GDAP1: variants seen among roughly 807,000 people sequenced by gnomAD.
GDAP1 encodes ganglioside induced differentiation associated protein 1, also known as ganglioside-induced differentiation-associated protein 1.
A neutral mutation model predicts 40.1 loss-of-function variants in GDAP1; 34 were observed. That is an observed-to-expected ratio of 0.85 (90% CI 0.64 to 1.13). The LOEUF (loss-of-function observed/expected upper bound fraction) is 1.13, where lower values mean the gene tolerates loss of function less well. Ranked by LOEUF, GDAP1 falls within the 50% of genes most tolerant of loss-of-function variation. The pLI is 0.00. For missense variants in GDAP1, 374 were observed against 433.7 expected, an observed-to-expected ratio of 0.86 and a Z score of 1.22; for synonymous variants, 170 against 157.4, an observed-to-expected ratio of 1.08 and a Z score of -0.60.
intron 2 of GDAP1, among the ~76,000 whole-genome samples, chr8:74,397,974 C>G (rs1284033695): frequency 6.6e-6 from 1 of 151,810 alleles, no homozygotes; most frequent in Non-Finnish European, 1.5e-5. Context: ...GATATTGATT[C>G]TTCCTACCCA....
At chr8:74,390,425 A>G (rs1431990578) in intron 2 of GDAP1, among the ~76,000 whole-genome samples, 3 of 152,026 alleles carry the variant, frequency 2.0e-5, no homozygotes, top group Non-Finnish European at 4.4e-5. Flanking sequence ...TTTTCTTCTA[A>G]CAGTCAGGAC....
chr8:74,452,357 T>A lies in GDAP1; in HGVS notation c.166-36321T>A, dbSNP rs1252133064. ...TTGGCCATTATTTCCTCAAGTATTG[T>A]TTTTTTGGTCCATGTTTCTCTTTCT... On this transcript the variant is annotated intron_variant, in intron 2 of 2. Coordinates refer to the GDAP1 transcript ENST00000523640. 2.4e-5 allele frequency among the ~76,000 whole-genome samples: 2 copies of A among 83,710 alleles called. 1 individual carries two copies. The allele number at this position is 83,710 out of a possible 152,430, so 54.9% of individuals were successfully genotyped here.
chr8:74,443,668 T>C (rs950108220), intron 2 of GDAP1, among the ~76,000 whole-genome samples: 2 of 152,160 alleles, frequency 1.3e-5, no homozygotes, highest in Admixed American at 1.3e-4. Context: ...CTAAGATTGA[T>C]GGTCATGATC....
chr8:74,416,849 CA>C (rs1235915310), intron 2 of GDAP1, among the ~76,000 whole-genome samples: 1 of 148,746 alleles, frequency 6.7e-6, no homozygotes, highest in Non-Finnish European at 1.5e-5. Flanking sequence ...CCCTGTGGAA[CA>C]AAAGAATTCA....
intron 2 of GDAP1, among the ~76,000 whole-genome samples, chr8:74,399,225 G>T (rs955150750): frequency 6.3e-5 from 9 of 142,428 alleles, no homozygotes; most frequent in Non-Finnish European, 1.2e-4. Flanking sequence ...CACAATTTCA[G>T]ATCCTGTTAT....
rs574498830 is a variant in GDAP1, at chr8:74,478,578, C to T, written c.166-10100C>T. On this transcript the variant is annotated intron_variant, in intron 2 of 2. Coordinates refer to the GDAP1 transcript ENST00000523640. ...CTGAGGGGTGCTCAGGTCAGACTGG[C>T]CCCATCTTGCAGGTAGTACCATCCT... is the stretch of plus-strand genomic sequence containing the variant. 2.0e-5 allele frequency among the ~76,000 whole-genome samples: 3 copies of T among 152,230 alleles called. No individual in the cohort carries two copies. The South Asian group carries it at 6.2e-4, about 32-fold the overall frequency.
intron 2 of GDAP1, among the ~76,000 whole-genome samples, chr8:74,387,397 T>C (rs1474130989): frequency 6.6e-6 from 1 of 152,236 alleles, no homozygotes; most frequent in Non-Finnish European, 1.5e-5. Context: ...TGAAGCGGTG[T>C]TGAATTTTAT....
chr8:74,383,758 T>G (rs1397526689), intron 2 of GDAP1, among the ~76,000 whole-genome samples: 4 of 152,182 alleles, frequency 2.6e-5, no homozygotes, highest in African/African-American at 9.7e-5. Flanking sequence ...TTTGCCAGTT[T>G]ATCAGGTTTG....
intron 2 of GDAP1, among the ~76,000 whole-genome samples, chr8:74,439,907 G>A (rs1293888746): frequency 6.6e-6 from 1 of 151,608 alleles, no homozygotes; most frequent in African/African-American, 2.4e-5. Context: ...CAATTTTTTT[G>A]TAAGTGACAC....
chr8:74,451,987 T>C (rs1486245199), intron 2 of GDAP1, among the ~76,000 whole-genome samples: 2 of 75,142 alleles, frequency 2.7e-5, no homozygotes. Context: ...TCTTGCTCTG[T>C]CGCCCAGGCT....
intron 3 of GDAP1, among the ~76,000 whole-genome samples, chr8:74,361,634 A>T (rs752463822): frequency 2.6e-5 from 4 of 152,080 alleles, no homozygotes; most frequent in Non-Finnish European, 5.9e-5. Flanking sequence ...TGACCTCCTG[A>T]TCCTCCCGCC....
chr8:74,410,024 C>T (rs1805689544), intron 2 of GDAP1, among the ~76,000 whole-genome samples: 1 of 149,974 alleles, frequency 6.7e-6, no homozygotes. Flanking sequence ...GACTGAACCC[C>T]TGGTGTTTCA....
At chr8:74,482,758 CT>C (rs1806728309) in intron 2 of GDAP1, among the ~76,000 whole-genome samples, 1 of 152,174 alleles carries the variant, frequency 6.6e-6, no homozygotes, top group African/African-American at 2.4e-5. Flanking sequence ...ATATTTGAGC[CT>C]GTGATTCTGG....
chr8:74,394,837 T>C (rs946711757), intron 2 of GDAP1, among the ~76,000 whole-genome samples: 2 of 151,996 alleles, frequency 1.3e-5, no homozygotes, highest in African/African-American at 4.8e-5. Context: ...CAAAGAAGAC[T>C]CATACCTGGA....
chr8:74,371,431 C>A (rs541039499), downstream of GDAP1, among the ~76,000 whole-genome samples: 3 of 152,060 alleles, frequency 2.0e-5, no homozygotes, highest in East Asian at 1.9e-4. Flanking sequence ...GAGGCCGAGG[C>A]GGGCGGATCA....
At chr8:74,474,991 C>T (rs956805845) in intron 2 of GDAP1, among the ~76,000 whole-genome samples, 3 of 151,676 alleles carry the variant, frequency 2.0e-5, no homozygotes, top group African/African-American at 4.8e-5. Flanking sequence ...GTTCAGTCTT[C>T]CTGGTTCAGT....
intron 2 of GDAP1, among the ~76,000 whole-genome samples, chr8:74,475,323 A>T (rs1806615220): frequency 1.3e-5 from 2 of 151,464 alleles, no homozygotes; most frequent in Admixed American, 1.3e-4. Flanking sequence ...TGTCTCTGCT[A>T]GCTTTGGGGT....
chr8:74,422,205 TTC>T (rs1208277764), intron 2 of GDAP1, among the ~76,000 whole-genome samples: 1 of 151,078 alleles, frequency 6.6e-6, no homozygotes, highest in Non-Finnish European at 1.5e-5. Context: ...TCTTCTTTCT[TTC>T]TCTCTCTTCT....
At chr8:74,420,912 G>A (rs1490412529) in intron 2 of GDAP1, among the ~76,000 whole-genome samples, 1 of 151,892 alleles carries the variant, frequency 6.6e-6, no homozygotes, top group Non-Finnish European at 1.5e-5. Flanking sequence ...TTACTTGGAT[G>A]GGAGCCTGAG....
Sources: gnomAD v4.1 joint callset for allele counts (sites outside exome capture counted in the v4.1 genomes callset) on GRCh38, gnomAD v4.1.1 for gene constraint, MANE v1.5 for transcripts, NCBI Gene and HGNC (gene_info 2026-07-23, HGNC 2026-07-21) for gene names.